CDC14A: variants seen among roughly 807,000 people sequenced by gnomAD.
CDC14A encodes the protein dual specificity protein phosphatase CDC14A.
Under a neutral mutation model 74.4 loss-of-function variants are expected in CDC14A, and 53 were observed. The ratio of observed to expected loss-of-function variants is 0.71; its 90% CI spans 0.57 to 0.89. CDC14A has a LOEUF of 0.89. Ranked by LOEUF, CDC14A falls within the 40% of genes least tolerant of loss-of-function variation. CDC14A has a pLI of 0.00. For synonymous variants in CDC14A, 247 were observed against 258.4 expected (o/e 0.96, Z 0.43); for missense variants, 646 against 713.7 (o/e 0.91, Z 1.08).
At chr1:100,393,098 C>A (rs1045174693) in intron 4 of CDC14A, 3 of 1,446,048 alleles carry the variant, frequency 2.1e-6, no homozygotes, top group Admixed American at 1.7e-5. Flanking sequence ...TGATAGATTT[C>A]ATTTTCTAGT....
In CDC14A at chr1:100,394,178, G is replaced by A. The variant is rs111595611; in HGVS notation, c.309+3354G>A. ...CCCACAGGCTGCAGTGCACTGGTGCGATTGTAGACCATTGTATCCTCAGAC... is the reference window on the plus strand; with the variant it reads ...CCCACAGGCTGCAGTGCACTGGTGCAATTGTAGACCATTGTATCCTCAGAC... On this transcript the variant is annotated intron_variant, in intron 4 of 15. Transcript: ENST00000336454. 9.7e-3 allele frequency among the ~76,000 whole-genome samples: 1,472 copies of A among 152,040 alleles called. 21 individuals are homozygous for A. Among genetic ancestry groups the A allele is most frequent in the African/African-American group, 0.033 (1,384 of 41,444 alleles).
intron 10 of CDC14A, among the ~76,000 whole-genome samples, chr1:100,477,374 A>G (rs1320481166): frequency 6.6e-6 from 1 of 151,842 alleles, no homozygotes; most frequent in African/African-American, 2.4e-5. Flanking sequence ...TTTAATTCCA[A>G]ATACTCCAAA....
At chr1:100,406,753 T>C (rs901514532) in intron 4 of CDC14A, among the ~76,000 whole-genome samples, 7 of 151,840 alleles carry the variant, frequency 4.6e-5, no homozygotes, top group Non-Finnish European at 8.8e-5. Flanking sequence ...TAAAACCCCG[T>C]CTCTACTAAA....
At chr1:100,517,890 T>A (rs1470249282) in intron 15 of CDC14A, among the ~76,000 whole-genome samples, 3 of 152,246 alleles carry the variant, frequency 2.0e-5, no homozygotes, top group African/African-American at 7.2e-5. Flanking sequence ...ATTCTAGTAA[T>A]CTTTAATTAG....
intron 7 of CDC14A, among the ~76,000 whole-genome samples, chr1:100,452,301 G>A (rs1666222338): frequency 6.6e-6 from 1 of 152,124 alleles, no homozygotes; most frequent in African/African-American, 2.4e-5. Flanking sequence ...CATGAGGTCA[G>A]GAGTTCGAGA....
At chr1:100,436,077 G>T (rs1664304112) in intron 5 of CDC14A, among the ~76,000 whole-genome samples, 1 of 152,098 alleles carries the variant, frequency 6.6e-6, no homozygotes, top group South Asian at 2.1e-4. Context: ...GGACTTTTGG[G>T]TTCAGTAGTC....
chr1:100,351,221 A>AC (rs1557669490), upstream of CDC14A, among the ~76,000 whole-genome samples: 4 of 151,608 alleles, frequency 2.6e-5, no homozygotes, highest in Non-Finnish European at 5.9e-5. Context: ...AAAAAAAAAA[A>AC]ACCACAAACA....
At chr1:100,364,505 C>T (rs913232973) in intron 2 of CDC14A, among the ~76,000 whole-genome samples, 5 of 152,196 alleles carry the variant, frequency 3.3e-5, no homozygotes, top group African/African-American at 1.2e-4. Context: ...GCCGTTGCCC[C>T]CGGCCCTGTG....
intron 13 of CDC14A, among the ~76,000 whole-genome samples, chr1:100,497,462 G>A (rs1648021027): frequency 1.3e-5 from 2 of 152,216 alleles, no homozygotes; most frequent in South Asian, 4.1e-4. Context: ...ATAGGCTTGT[G>A]GGCACAGAGG....
intron 3 of CDC14A, among the ~76,000 whole-genome samples, chr1:100,382,865 C>T (rs1656334612): frequency 6.6e-6 from 1 of 152,172 alleles, no homozygotes; most frequent in Non-Finnish European, 1.5e-5. Context: ...GATGGTGGGG[C>T]TTAGGGAATG....
At chr1:100,379,681 C>T (rs1340333610) in intron 3 of CDC14A, among the ~76,000 whole-genome samples, 3 of 152,112 alleles carry the variant, frequency 2.0e-5, no homozygotes, top group Admixed American at 2.0e-4. Flanking sequence ...AAAGGAATAC[C>T]AGAGGCTAGG....
intron 5 of CDC14A, among the ~76,000 whole-genome samples, chr1:100,435,873 A>G (rs1450273297): frequency 6.6e-6 from 1 of 151,790 alleles, no homozygotes; most frequent in African/African-American, 2.4e-5. Flanking sequence ...CTTTAGAGAA[A>G]TCTTGTTTTA....
At chr1:100,442,826 C>A in intron 6 of CDC14A, 108 bp from the exon 7 acceptor site, 3 of 748,356 alleles carry the variant, frequency 4.0e-6, no homozygotes, top group Non-Finnish European at 6.9e-6. Flanking sequence ...AGGTTTCAAG[C>A]TGTCTCTTCA....
intron 4 of CDC14A, among the ~76,000 whole-genome samples, chr1:100,396,855 G>C (rs1036356882): frequency 1.3e-5 from 2 of 152,080 alleles, no homozygotes; most frequent in African/African-American, 2.4e-5. Flanking sequence ...GTATTTCACA[G>C]CTTTTGTGTT....
intron 7 of CDC14A, among the ~76,000 whole-genome samples, chr1:100,446,384 A>G (rs1571213049): frequency 6.6e-6 from 1 of 152,354 alleles, no homozygotes; most frequent in East Asian, 1.9e-4. Flanking sequence ...GATGAGGTCA[A>G]CAGAATGTGG....
At chr1:100,413,218 C>T (rs752376888) in intron 4 of CDC14A, among the ~76,000 whole-genome samples, 9 of 152,138 alleles carry the variant, frequency 5.9e-5, no homozygotes, top group Non-Finnish European at 8.8e-5. Context: ...TCTTGTTTCT[C>T]CTGCTTTCTC....
intron 8 of CDC14A, among the ~76,000 whole-genome samples, chr1:100,460,223 C>T (rs923945197): frequency 6.6e-6 from 1 of 152,164 alleles, no homozygotes; most frequent in Non-Finnish European, 1.5e-5. Flanking sequence ...TATTTCAGTG[C>T]CCTGTTGCCA....
At chr1:100,387,477 AT>A (rs1657041502) in intron 3 of CDC14A, among the ~76,000 whole-genome samples, 1 of 152,204 alleles carries the variant, frequency 6.6e-6, no homozygotes, top group African/African-American at 2.4e-5. Flanking sequence ...AGCAAAGTAA[AT>A]GCTAGCAGCT....
chr1:100,425,568 G>A (rs530745695), intron 5 of CDC14A, among the ~76,000 whole-genome samples: 1 of 152,216 alleles, frequency 6.6e-6, no homozygotes, highest in African/African-American at 2.4e-5. Context: ...ACATGGGGAG[G>A]GAAGAAGCAA....
Sources: gnomAD v4.1 joint callset for allele counts (sites outside exome capture counted in the v4.1 genomes callset) on GRCh38, gnomAD v4.1.1 for gene constraint, MANE v1.5 for transcripts, NCBI Gene and HGNC (gene_info 2026-07-23, HGNC 2026-07-21) for gene names.